Variants in BCAR3 observed in about 807,000 individuals in gnomAD.
BCAR3 encodes breast cancer anti-estrogen resistance protein 3.
BCAR3 carries 37 observed loss-of-function variants against 80.1 expected under a neutral mutation model. That is an observed-to-expected ratio of 0.46 (90% CI 0.36 to 0.61). BCAR3 has a LOEUF of 0.61. BCAR3 is among the 20% of genes least tolerant of loss of function. BCAR3 has a pLI of 0.00. For synonymous variants in BCAR3, 389 were observed against 418.9 expected (o/e 0.93, Z 0.87); for missense variants, 978 against 1,068.2 (o/e 0.92, Z 1.18).
chr1:93,800,245 T>C (rs753744452), intron 2 of BCAR3, among the ~76,000 whole-genome samples: 2 of 152,136 alleles, frequency 1.3e-5, no homozygotes, highest in East Asian at 3.9e-4. Flanking sequence ...TGGTGGATGA[T>C]TCAGACCATA....
At chr1:93,672,986 T>C (rs1571031125) in intron 2 of BCAR3, among the ~76,000 whole-genome samples, 1 of 152,196 alleles carries the variant, frequency 6.6e-6, no homozygotes. Context: ...TTTTCAAACA[T>C]GCCAAACTTG....
At chr1:93,790,614 CTTTT>C (rs781591266) in intron 2 of BCAR3, among the ~76,000 whole-genome samples, 2 of 90,414 alleles carry the variant, frequency 2.2e-5, no homozygotes, top group Non-Finnish European at 4.6e-5. Flanking sequence ...CACTTATAGT[CTTTT>C]TTTTTTTTTG....
chr1:93,814,483 C>A (rs1046297622), intron 2 of BCAR3, among the ~76,000 whole-genome samples: 1 of 152,238 alleles, frequency 6.6e-6, no homozygotes, highest in Non-Finnish European at 1.5e-5. Context: ...CGGGCAGGGC[C>A]TGGTGGTCCC....
chr1:93,786,192 CAAAAAAAA>C (rs61644309), intron 2 of BCAR3, among the ~76,000 whole-genome samples: 9 of 23,248 alleles, frequency 3.9e-4, no homozygotes, highest in South Asian at 5.3e-3. Flanking sequence ...GACTCCGTCT[CAAAAAAAA>C]AAAAAAAAAA....
chr1:93,663,532 T>C (rs2101933897), intron 2 of BCAR3, among the ~76,000 whole-genome samples: 1 of 152,292 alleles, frequency 6.6e-6, no homozygotes, highest in East Asian at 1.9e-4. Flanking sequence ...CAGGATTGCT[T>C]ATCAATCCAG....
intron 2 of BCAR3, among the ~76,000 whole-genome samples, chr1:93,810,075 C>A (rs530178171): frequency 5.4e-4 from 82 of 151,682 alleles, no homozygotes; most frequent in South Asian, 3.8e-3. Context: ...TGCCTGTAAT[C>A]CCAGCTACTC....
chr1:93,747,400 C>T lies in BCAR3; in HGVS notation c.-62-41258G>A, dbSNP rs568298397. Among the ~76,000 whole-genome samples the T allele has an allele frequency of 8.5e-4, 129 of 151,872 alleles. 2 individuals are homozygous for T. Among genetic ancestry groups the T allele is most frequent in the Non-Finnish European group, 1.7e-3 (113 of 68,022 alleles). On this transcript the variant is annotated intron_variant, in intron 2 of 13. Coordinates refer to the BCAR3 transcript ENST00000370244. ...ATTGTTGCAGACAGTATAGGGGCTA[C>T]CCTCTACTTTCCACAGGGATCCTTC... is the stretch of plus-strand genomic sequence containing the variant.
chr1:93,653,142 G>T (rs924512144), intron 2 of BCAR3, among the ~76,000 whole-genome samples: 2 of 152,224 alleles, frequency 1.3e-5, no homozygotes, highest in African/African-American at 4.8e-5. Context: ...TTACTTGTCA[G>T]TCTTAAGTTA....
intron 2 of BCAR3, among the ~76,000 whole-genome samples, chr1:93,747,357 G>A (rs552501686): frequency 1.8e-4 from 27 of 152,114 alleles, no homozygotes; most frequent in African/African-American, 6.5e-4. Flanking sequence ...AGCACAAGCT[G>A]TAGTGTCTGT....
chr1:93,689,952 C>T (rs1359877222), intron 3 of BCAR3, among the ~76,000 whole-genome samples: 1 of 152,208 alleles, frequency 6.6e-6, no homozygotes, highest in Non-Finnish European at 1.5e-5. Context: ...TCCAGGGGTT[C>T]ACTTTCCTGT....
Position 93,757,346 on chromosome 1 carries a change from C to T in BCAR3, c.-62-51204G>A, listed in dbSNP as rs75294243. On this transcript the variant is annotated intron_variant, in intron 2 of 13. Transcript: ENST00000370244. ...CAGACAGCAGCTCCCCCCATTTTCTCTTTTCTCTGATGTCCACTTTGCGTT... is the reference window on the plus strand; with the variant it reads ...CAGACAGCAGCTCCCCCCATTTTCTTTTTTCTCTGATGTCCACTTTGCGTT... 3.7e-3 allele frequency among the ~76,000 whole-genome samples: 556 copies of T among 152,254 alleles called. 4 individuals are homozygous for T. Among genetic ancestry groups the T allele is most frequent in the East Asian group, 0.017 (90 of 5,172 alleles).
chr1:93,641,929 T>C (rs1675992698), intron 3 of BCAR3, among the ~76,000 whole-genome samples: 1 of 152,240 alleles, frequency 6.6e-6, no homozygotes. Flanking sequence ...GTCATCTATT[T>C]ATCCCTCTTA....
At chr1:93,690,775 A>C (rs1292620890) in intron 3 of BCAR3, among the ~76,000 whole-genome samples, 1 of 152,230 alleles carries the variant, frequency 6.6e-6, no homozygotes, top group Non-Finnish European at 1.5e-5. Flanking sequence ...CCAGGCACTT[A>C]GTGAGCACTT....
At chr1:93,746,030 C>T (rs1651346875) in intron 2 of BCAR3, among the ~76,000 whole-genome samples, 1 of 152,204 alleles carries the variant, frequency 6.6e-6, no homozygotes, top group Admixed American at 6.5e-5. Context: ...AGACAGAGGT[C>T]TTGGGATGAT....
intron 3 of BCAR3, among the ~76,000 whole-genome samples, chr1:93,689,958 C>T (rs1649135658): frequency 6.6e-6 from 1 of 152,184 alleles, no homozygotes; most frequent in African/African-American, 2.4e-5. Context: ...GGTTCACTTT[C>T]CTGTACATAC....
chr1:93,691,599 C>G (rs901359306), intron 3 of BCAR3, among the ~76,000 whole-genome samples: 1 of 152,162 alleles, frequency 6.6e-6, no homozygotes, highest in Non-Finnish European at 1.5e-5. Context: ...TCCTTGCTCC[C>G]AGCTCAGCAG....
chr1:93,735,429 G>A (rs955713392), intron 2 of BCAR3, among the ~76,000 whole-genome samples: 5 of 152,170 alleles, frequency 3.3e-5, no homozygotes, highest in Non-Finnish European at 7.3e-5. Flanking sequence ...GGATCATTTT[G>A]AGAACTTCCC....
intron 2 of BCAR3, among the ~76,000 whole-genome samples, chr1:93,718,839 G>T (rs1477711909): frequency 6.6e-6 from 1 of 150,980 alleles, no homozygotes. Flanking sequence ...GGGACTACAG[G>T]CATGCACCAC....
intron 2 of BCAR3, among the ~76,000 whole-genome samples, chr1:93,761,124 T>A (rs57787039): frequency 0.12 from 17,791 of 152,100 alleles, 1,464 homozygotes; most frequent in African/African-American, 0.22. Flanking sequence ...ATTTTAGGCA[T>A]GTGGAGTAGA....
Sources: gnomAD v4.1 joint callset for allele counts (sites outside exome capture counted in the v4.1 genomes callset) on GRCh38, gnomAD v4.1.1 for gene constraint, MANE v1.5 for transcripts, NCBI Gene and HGNC (gene_info 2026-07-23, HGNC 2026-07-21) for gene names.